Variants in PDS5A observed in about 807,000 individuals in gnomAD.
PDS5A encodes sister chromatid cohesion protein PDS5 homolog A.
PDS5A carries 42 observed loss-of-function variants against 167.1 expected under a neutral mutation model. That is an observed-to-expected ratio of 0.25 (90% confidence interval 0.20 to 0.33). The LOEUF is 0.33. Among genes scored for constraint, PDS5A ranks in the 10% least tolerant of loss-of-function variants. The pLI, the probability that PDS5A is intolerant of heterozygous loss-of-function variation, is 1.00. For synonymous variants in PDS5A, 553 were observed against 554.6 expected (o/e 1.00, Z 0.04); for missense variants, 1,033 against 1,605.9 (o/e 0.64, Z 6.10).
intron 2 of PDS5A, among the ~76,000 whole-genome samples, chr4:39,962,467 G>A (rs1174560634): frequency 6.6e-6 from 1 of 152,148 alleles, no homozygotes; most frequent in Non-Finnish European, 1.5e-5. Flanking sequence ...GAAGCAATAA[G>A]TTGGCTTCAT....
chr4:39,836,482 T>G (rs1456729773), intron 32 of PDS5A, among the ~76,000 whole-genome samples: 1 of 152,202 alleles, frequency 6.6e-6, no homozygotes, highest in Non-Finnish European at 1.5e-5. Flanking sequence ...TCGCCCAGGC[T>G]GGAGTGCAAT....
chr4:39,930,246 A>AATTTTTTTTT, intron 2 of PDS5A, among the ~76,000 whole-genome samples: 2 of 93,090 alleles, frequency 2.1e-5, no homozygotes, highest in Non-Finnish European at 2.2e-5. Flanking sequence ...AAAAAAAAAA[A>AATTTTTTTTT]GTTTTTTTGT....
chr4:39,836,391 T>G (rs1014544001), intron 32 of PDS5A, among the ~76,000 whole-genome samples: 1 of 152,190 alleles, frequency 6.6e-6, no homozygotes, highest in Non-Finnish European at 1.5e-5. Flanking sequence ...ACTTAGATGA[T>G]GTAGAAATTT....
intron 2 of PDS5A, chr4:39,974,450 T>C: frequency 3.2e-6 from 1 of 308,260 alleles, no homozygotes; most frequent in Non-Finnish European, 6.3e-6. Context: ...TTATATTTCA[T>C]AATTTCTCAC....
chr4:39,896,263 CTCAAATTCCTGGCT>C (rs1180884287), intron 16 of PDS5A, among the ~76,000 whole-genome samples: 1 of 149,542 alleles, frequency 6.7e-6, no homozygotes, highest in Non-Finnish European at 1.5e-5. Flanking sequence ...CCAGGTTGGT[CTCAAATTCCTGGCT>C]TCAAGTGATC....
chr4:39,942,430 C>T (rs1381792192), intron 2 of PDS5A, among the ~76,000 whole-genome samples: 1 of 152,112 alleles, frequency 6.6e-6, no homozygotes, highest in Admixed American at 6.6e-5. Context: ...TAAATTCTTA[C>T]CCATCCTTAA....
At chr4:39,867,772 A>ACACC (rs1553892691) in intron 22 of PDS5A, among the ~76,000 whole-genome samples, 18 of 90,662 alleles carry the variant, frequency 2.0e-4, no homozygotes, top group South Asian at 7.8e-4. Flanking sequence ...ACACACACAC[A>ACACC]CACCCCACAA....
At chr4:39,915,795 T>C (rs957054379) in intron 8 of PDS5A, among the ~76,000 whole-genome samples, 11 of 152,184 alleles carry the variant, frequency 7.2e-5, no homozygotes, top group Non-Finnish European at 1.0e-4. Context: ...CCCTTAAATA[T>C]GAAACAATAT....
chr4:39,970,595 T>C (rs2109825228), intron 2 of PDS5A, among the ~76,000 whole-genome samples: 1 of 151,920 alleles, frequency 6.6e-6, no homozygotes, highest in East Asian at 1.9e-4. Flanking sequence ...AAAGCAACTA[T>C]ATAACAACCA....
intron 26 of PDS5A, among the ~76,000 whole-genome samples, chr4:39,857,047 A>G (rs1271789832): frequency 1.3e-5 from 2 of 152,086 alleles, no homozygotes; most frequent in Non-Finnish European, 2.9e-5. Flanking sequence ...GCTGTGATCT[A>G]AAACCTAATG....
chr4:39,850,604 T>G (rs1470450326), intron 26 of PDS5A, among the ~76,000 whole-genome samples: 1 of 152,228 alleles, frequency 6.6e-6, no homozygotes, highest in Non-Finnish European at 1.5e-5. Context: ...GCAGAAGTTC[T>G]ACAATTGGTA....
chr4:39,951,920 A>AAAAAAAAAAAAAC (rs58625322), intron 2 of PDS5A, among the ~76,000 whole-genome samples: 4 of 150,928 alleles, frequency 2.7e-5, no homozygotes, highest in East Asian at 3.9e-4. Flanking sequence ...AAAAAAAAAA[A>AAAAAAAAAAAAAC]TCTGTATCAC....
chr4:39,949,824 A>AAAAAAAAAAAAAAAG (rs1177595296), intron 2 of PDS5A, among the ~76,000 whole-genome samples: 2 of 150,152 alleles, frequency 1.3e-5, no homozygotes, highest in Non-Finnish European at 1.5e-5. Context: ...TGTCTCAGAA[A>AAAAAAAAAAAAAAAG]AAAAAAAAAA....
Position 39,930,247 on chromosome 4 carries a change from G to GTTT in PDS5A, c.139-2086_139-2084dup, listed in dbSNP as rs1258661213. 7.6e-4 allele frequency among the ~76,000 whole-genome samples: 47 copies of GTTT among 61,946 alleles called. 1 individual carries two copies. The East Asian group carries it at 0.011, about 15-fold the overall frequency. 40.6% of individuals were successfully genotyped at this position (61,946 alleles called of 152,430 possible). On this transcript the variant is annotated intron_variant, in intron 2 of 32. Coordinates refer to ENST00000303538, the MANE Select transcript of PDS5A (RefSeq NM_001100399.2). ...AAAAAAAAAAAAAAAAAAAAAAAAA[G>GTTT]TTTTTTTGTTTTTTGTTTTTTTTTT...
intron 2 of PDS5A, among the ~76,000 whole-genome samples, chr4:39,937,039 T>A (rs1389064698): frequency 6.6e-6 from 1 of 152,200 alleles, no homozygotes; most frequent in African/African-American, 2.4e-5. Flanking sequence ...CCTCCCAGCA[T>A]ATCACTGTGT....
intron 14 of PDS5A, 36 bp from the exon 15 acceptor site, chr4:39,898,861 C>T: frequency 2.1e-6 from 3 of 1,409,998 alleles, no homozygotes; most frequent in Non-Finnish European, 3.0e-6. Flanking sequence ...AACAACTAGT[C>T]ATATGTGTTA....
At chr4:39,891,093 G>A (rs1721920685) in intron 16 of PDS5A, among the ~76,000 whole-genome samples, 1 of 151,414 alleles carries the variant, frequency 6.6e-6, no homozygotes, top group Non-Finnish European at 1.5e-5. Flanking sequence ...GAATGCAATG[G>A]TGCAATCTTG....
chr4:39,855,416 T>C (rs112048626), intron 26 of PDS5A, among the ~76,000 whole-genome samples: 12 of 152,308 alleles, frequency 7.9e-5, no homozygotes, highest in African/African-American at 2.6e-4. Flanking sequence ...GTACTTAAAA[T>C]GTCCAATTCC....
intron 8 of PDS5A, among the ~76,000 whole-genome samples, chr4:39,914,169 T>G (rs1391901732): frequency 6.6e-6 from 1 of 150,732 alleles, no homozygotes; most frequent in East Asian, 1.9e-4. Flanking sequence ...TTTGTTTTTT[T>G]TTTTTTTTTT....
Sources: allele counts gnomAD v4.1 joint callset (sites outside exome capture counted in the v4.1 genomes callset), GRCh38; gene constraint gnomAD v4.1.1; transcripts MANE v1.5; gene names NCBI Gene and HGNC (gene_info 2026-07-23, HGNC 2026-07-21).